Variants in MTMR3 observed in about 807,000 individuals in gnomAD.
MTMR3 encodes the protein myotubularin related protein 3.
Under a neutral mutation model 132.4 loss-of-function variants are expected in MTMR3, and 32 were observed. The ratio of observed to expected loss-of-function variants is 0.24; its 90% CI spans 0.18 to 0.32. The LOEUF (loss-of-function observed/expected upper bound fraction) is 0.32, where lower values mean the gene tolerates loss of function less well. Ranked by LOEUF, MTMR3 falls within the 10% of genes least tolerant of loss-of-function variation. The pLI is 1.00. For missense variants in MTMR3, 1,216 were observed against 1,489.6 expected, an observed-to-expected ratio of 0.82 and a Z score of 3.02; for synonymous variants, 556 against 550.3, an observed-to-expected ratio of 1.01 and a Z score of -0.14.
chr22:29,900,173 G>A (rs2064978390), intron 1 of MTMR3, among the ~76,000 whole-genome samples: 1 of 152,180 alleles, frequency 6.6e-6, no homozygotes, highest in Admixed American at 6.6e-5. Flanking sequence ...TGTTAGGAGG[G>A]AAGGAGTTGA....
chr22:29,906,946 C>T (rs1488284399), intron 1 of MTMR3, among the ~76,000 whole-genome samples: 6 of 151,678 alleles, frequency 4.0e-5, no homozygotes, highest in East Asian at 2.0e-4. Flanking sequence ...GGCATGGTGG[C>T]GTGCATCTGT....
chr22:29,979,166 G>C, intron 5 of MTMR3, 114 bp downstream of exon 5: 2 of 744,432 alleles, frequency 2.7e-6, no homozygotes, highest in Non-Finnish European at 4.6e-6. Context: ...AGCATTATGT[G>C]CTCTGCTTTT....
chr22:29,911,471 A>G (rs2065210935), intron 1 of MTMR3, among the ~76,000 whole-genome samples: 1 of 152,104 alleles, frequency 6.6e-6, no homozygotes, highest in African/African-American at 2.4e-5. Context: ...TGAGTCTGGA[A>G]GGTCAAGGTT....
In MTMR3 at chr22:29,978,459, C is replaced by G. The variant is rs751799871; in HGVS notation, c.21C>G (p.His7Gln). The change falls in exon 4 of 20, where the codon CAC becomes CAG. Residue 7 changes from histidine to glutamine, a missense_variant. Coordinates refer to ENST00000401950, the MANE Select transcript of MTMR3 (RefSeq NM_021090.4). ...TTTTCCAGGATGAAGAGACTCGGCA[C>G]AGCCTTGAGTGCATCCAGGCCAATC... is the stretch of plus-strand genomic sequence containing the variant. MDEETR[H>Q]SLECIQANQI... 3.7e-6 allele frequency: 6 copies of G among 1,612,548 alleles called. No homozygotes were observed. In the African/African-American group the frequency reaches 8.0e-5, roughly 22 times the overall value.
In MTMR3 at chr22:30,025,792, T is replaced by A. The variant is rs1284283662; in HGVS notation, c.3588T>A (p.Thr1196=). Residue 1196 remains threonine (T), a synonymous_variant, in exon 20 of 20, where the codon ACT becomes ACA. Coordinates refer to ENST00000401950, the MANE Select transcript of MTMR3 (RefSeq NM_021090.4). ...DLELDKPIAA[T]SN ...AACTGGATAAGCCCATTGCTGCCACTTCCAACTGAAGCTCAGTGACCTGGG... is the reference window on the plus strand; with the variant it reads ...AACTGGATAAGCCCATTGCTGCCACATCCAACTGAAGCTCAGTGACCTGGG... 2 of 1,614,032 alleles carry A rather than the reference T, an allele frequency of 1.2e-6. No homozygotes were observed. The highest frequency in any genetic ancestry group is 1.7e-6 in the Non-Finnish European group (2 of 1,180,016).
Position 29,933,281 on chromosome 22 carries a change from C to CTT in MTMR3, c.-137-23746_-137-23745dup, listed in dbSNP as rs71328816. On this transcript the variant is annotated intron_variant, in intron 1 of 19. Transcript: ENST00000401950. ...TATTTCTTGAGAATAAGGACATTAT[C>CTT]TTTTTTTTTTCTTTTTATTATCCAG... 9.4e-5 allele frequency among the ~76,000 whole-genome samples: 14 copies of CTT among 149,018 alleles called. No homozygotes were observed. In the South Asian group the frequency reaches 2.7e-3, roughly 29 times the overall value.
intron 1 of MTMR3, among the ~76,000 whole-genome samples, chr22:29,897,488 T>C (rs564873757): frequency 1.3e-5 from 2 of 152,230 alleles, no homozygotes; most frequent in Non-Finnish European, 2.9e-5. Flanking sequence ...GCTCTCACTC[T>C]GTTGCCCATA....
At position 29,991,616 on chromosome 22, in the gene MTMR3, T is replaced by C; in HGVS notation, c.406T>C (p.Cys136Arg). 3 of 1,613,918 alleles carry C rather than the reference T, an allele frequency of 1.9e-6. No individual in the cohort carries two copies. The highest frequency in any genetic ancestry group is 2.5e-6 in the Non-Finnish European group (3 of 1,179,902). Residue 136 changes from cysteine (C) to arginine (R), a missense_variant, in exon 7 of 20, where the codon TGC (cysteine) becomes CGC (arginine). Around this residue, in one of 7 missense-constraint regions of MTMR3, gnomAD observed 129 missense variants for 245.7 expected, o/e 0.53. Coordinates refer to ENST00000401950, the MANE Select transcript of MTMR3 (RefSeq NM_021090.4). ...DLFSFAYHAW[C>R]MEVYASEKEQ... is the part of the protein sequence containing the mutation. ...CTTCTCATTTGCATACCATGCTTGG[T>C]GCATGGAGGTCTATGCCAGTGAAAA...
rs375921141 is a variant in MTMR3, at chr22:29,957,785, C to T, written c.-85+697C>T. Among the ~76,000 whole-genome samples the T allele has an allele frequency of 2.0e-5, 3 of 152,058 alleles. 1 individual carries two copies. In the East Asian group the frequency reaches 5.8e-4, roughly 29 times the overall value. On this transcript the variant is annotated intron_variant, in intron 2 of 19. Transcript: ENST00000401950. ...AGTTAGTTCAGCAGTTCCCCCTTACCTTCTTTTGCTTTCCAAGGTTCAGTT... is the reference window on the plus strand; with the variant it reads ...AGTTAGTTCAGCAGTTCCCCCTTACTTTCTTTTGCTTTCCAAGGTTCAGTT...
rs1315088689 is a variant in MTMR3 at position 29,922,889 on chromosome 22, TG to T, written c.-137-34146del. Among the ~76,000 whole-genome samples the T allele has an allele frequency of 6.7e-3, 987 of 147,732 alleles. 17 individuals carry two copies. Among genetic ancestry groups the T allele is most frequent in the African/African-American group, 0.025 (948 of 38,006 alleles). ...TGACTCACATTTCCCTAGTGACTAGTGTTTTTTTTTTTTTTTTGAGACTGGG... is the reference window on the plus strand; with the variant it reads ...TGACTCACATTTCCCTAGTGACTAGTTTTTTTTTTTTTTTTTGAGACTGGG... On this transcript the variant is annotated intron_variant, in intron 1 of 19. Transcript: ENST00000401950.
At chr22:29,954,757 C>G (rs752459127) in intron 1 of MTMR3, among the ~76,000 whole-genome samples, 2 of 152,182 alleles carry the variant, frequency 1.3e-5, no homozygotes, top group Non-Finnish European at 2.9e-5. Flanking sequence ...TTCATTCTTG[C>G]CCTTCGACTT....
chr22:29,889,195 G>A (rs569732791), intron 1 of MTMR3, among the ~76,000 whole-genome samples: 1 of 151,288 alleles, frequency 6.6e-6, no homozygotes, highest in South Asian at 2.1e-4. Flanking sequence ...AGTTTTGGAA[G>A]TGATATAGGA....
intron 10 of MTMR3, 92 bp downstream of exon 10, chr22:30,007,411 CT>C: frequency 3.2e-6 from 4 of 1,267,676 alleles, no homozygotes; most frequent in Non-Finnish European, 4.4e-6. Context: ...CATAGATTTA[CT>C]TTTATAGAAG....
At chr22:29,979,411 GAA>G (rs1316389239) in intron 5 of MTMR3, 7 of 217,562 alleles carry the variant, frequency 3.2e-5, no homozygotes, top group Admixed American at 5.4e-5. Flanking sequence ...AGAATGGCAT[GAA>G]CCCGGGAGGT....
At chr22:29,944,060 C>T (rs1036061272) in intron 1 of MTMR3, among the ~76,000 whole-genome samples, 2 of 151,866 alleles carry the variant, frequency 1.3e-5, no homozygotes, top group African/African-American at 4.8e-5. Flanking sequence ...CTCAGGTGAT[C>T]CTCCCGCCTT....
intron 1 of MTMR3, among the ~76,000 whole-genome samples, chr22:29,893,980 A>T (rs904616619): frequency 2.0e-5 from 3 of 151,986 alleles, no homozygotes; most frequent in Admixed American, 6.6e-5. Context: ...CAAGTAGCTG[A>T]GACTACAGGC....
rs945277197 is a variant in MTMR3, at chr22:30,022,064, G to A, written c.3261G>A (p.Gln1087=). The change falls in exon 18 of 20, where the codon CAG becomes CAA. Residue 1087 remains glutamine (Q), a synonymous_variant. Coordinates refer to ENST00000401950, the MANE Select transcript of MTMR3 (RefSeq NM_021090.4). Reference sequence around the variant, plus strand: ...CCGACTCGGAAAGCAATCTGGATCAGAACTGTTTGTCTCGCTGCAGCACAG... The same window carrying A: ...CCGACTCGGAAAGCAATCTGGATCAAAACTGTTTGTCTCGCTGCAGCACAG... ...SIPDSESNLD[Q]NCLSRCSTEI... 1 of 1,614,108 alleles carries A rather than the reference G, an allele frequency of 6.2e-7. No homozygotes were observed. The highest frequency in any genetic ancestry group is 1.3e-5 in the African/African-American group (1 of 74,926).
At chr22:29,994,178 A>G (rs1360559552) in intron 7 of MTMR3, 7 of 978,082 alleles carry the variant, frequency 7.2e-6, no homozygotes, top group Non-Finnish European at 8.5e-6. Context: ...AAGGTAATGC[A>G]ATCATAACTG....
chr22:29,983,574 T>A (rs1156374609), intron 5 of MTMR3: 1 of 152,224 alleles, frequency 6.6e-6, no homozygotes, highest in Non-Finnish European at 1.5e-5. Context: ...GCTTGTAAAT[T>A]GTCAAAGGTG....
Sources: allele counts gnomAD v4.1 joint callset (sites outside exome capture counted in the v4.1 genomes callset), GRCh38; gene constraint gnomAD v4.1.1; regional missense constraint gnomAD v4.1.1; transcripts MANE v1.5; gene names NCBI Gene and HGNC (gene_info 2026-07-23, HGNC 2026-07-21).